SIPA1L2: variants seen among roughly 807,000 people sequenced by gnomAD.
SIPA1L2 encodes the protein signal induced proliferation associated 1 like 2.
SIPA1L2 carries 56 observed loss-of-function variants against 163.9 expected under a neutral mutation model. That is an observed-to-expected ratio of 0.34 (90% CI 0.28 to 0.43). The LOEUF is 0.43. SIPA1L2 is among the 20% of genes least tolerant of loss of function. The probability of loss-of-function intolerance (pLI) is 1.00; values close to 1 mark genes in which losing one functional copy is unlikely to be tolerated. For missense variants in SIPA1L2, 1,974 were observed against 2,193.5 expected, an observed-to-expected ratio of 0.90 and a Z score of 2.00; for synonymous variants, 877 against 865.7, an observed-to-expected ratio of 1.01 and a Z score of -0.23.
intron 2 of SIPA1L2, among the ~76,000 whole-genome samples, chr1:232,516,063 T>C (rs930306462): frequency 6.6e-6 from 1 of 152,368 alleles, no homozygotes; most frequent in East Asian, 1.9e-4. Context: ...AATGCATGAA[T>C]TGGCTACAAG....
chr1:232,605,291 A>G (rs919265840), intron 1 of SIPA1L2, among the ~76,000 whole-genome samples: 2 of 152,172 alleles, frequency 1.3e-5, no homozygotes, highest in South Asian at 2.1e-4. Flanking sequence ...CAGGAGTATT[A>G]CATGTGTGAG....
At chr1:232,507,934 G>T (rs1666801778) in intron 3 of SIPA1L2, among the ~76,000 whole-genome samples, 1 of 152,158 alleles carries the variant, frequency 6.6e-6, no homozygotes, top group Non-Finnish European at 1.5e-5. Context: ...AAGCCTTCAA[G>T]GATAATGACG....
At chr1:232,520,965 A>G (rs547043466) in intron 2 of SIPA1L2, among the ~76,000 whole-genome samples, 1 of 152,358 alleles carries the variant, frequency 6.6e-6, no homozygotes, top group Admixed American at 6.5e-5. Context: ...AATCAAAGCT[A>G]TAAGACAATT....
intron 2 of SIPA1L2, among the ~76,000 whole-genome samples, chr1:232,545,342 G>C (rs1346501215): frequency 1.3e-5 from 2 of 152,146 alleles, no homozygotes; most frequent in African/African-American, 2.4e-5. Context: ...TTCATATCTG[G>C]CTTAAAACTT....
chr1:232,603,189 A>C (rs1467692868), intron 1 of SIPA1L2, among the ~76,000 whole-genome samples: 1 of 152,222 alleles, frequency 6.6e-6, no homozygotes, highest in Non-Finnish European at 1.5e-5. Context: ...AGAGTGCAAC[A>C]GAGATCTGGG....
intron 1 of SIPA1L2, among the ~76,000 whole-genome samples, chr1:232,624,773 T>C (rs1001662351): frequency 1.3e-5 from 2 of 152,222 alleles, no homozygotes; most frequent in Admixed American, 6.5e-5. Flanking sequence ...TTTGGCTAAA[T>C]GTTTATTAGT....
intron 4 of SIPA1L2, among the ~76,000 whole-genome samples, chr1:232,493,258 A>G (rs1290339975): frequency 6.6e-6 from 1 of 152,180 alleles, no homozygotes; most frequent in Non-Finnish European, 1.5e-5. Flanking sequence ...TGAGTCAATT[A>G]AACCTTTTCT....
At chr1:232,431,783 C>T (rs1662257981) in intron 16 of SIPA1L2, among the ~76,000 whole-genome samples, 1 of 152,224 alleles carries the variant, frequency 6.6e-6, no homozygotes, top group African/African-American at 2.4e-5. Flanking sequence ...AGCATCCTTT[C>T]CTACGTGCCC....
At chr1:232,438,928 C>A (rs1662724545) in intron 15 of SIPA1L2, among the ~76,000 whole-genome samples, 180 bp downstream of exon 15, 1 of 151,908 alleles carries the variant, frequency 6.6e-6, no homozygotes, top group Non-Finnish European at 1.5e-5. Context: ...TGTTAACATG[C>A]AAGCTTTGAC....
chr1:232,452,937 T>C (rs1177451927), intron 10 of SIPA1L2, among the ~76,000 whole-genome samples: 2 of 152,294 alleles, frequency 1.3e-5, no homozygotes, highest in African/African-American at 4.8e-5. Flanking sequence ...AGAAGTTCAC[T>C]ACAAATAGAC....
At chr1:232,400,688 C>T (rs1341672994) in intron 22 of SIPA1L2, among the ~76,000 whole-genome samples, 1 of 152,142 alleles carries the variant, frequency 6.6e-6, no homozygotes, top group Admixed American at 6.5e-5. Context: ...TCTTTTCTCC[C>T]CATCCCACTC....
Position 232,505,658 on chromosome 1 carries a change from G to A in SIPA1L2, c.1483+8199C>T, listed in dbSNP as rs189129820. The stretch of plus-strand genomic sequence containing the variant: ...AGAGAAAGCCCCGGTGTTTTCCACC[G>A]ACGGCCACATGGAGCCCGTGCGACC... On this transcript the variant is annotated intron_variant, in intron 3 of 22. Transcript: ENST00000674635. Among the ~76,000 whole-genome samples, 320 of 152,214 alleles carry A rather than the reference G, an allele frequency of 2.1e-3. 2 individuals carry two copies. Among genetic ancestry groups the A allele is most frequent in the African/African-American group, 7.2e-3 (298 of 41,532 alleles).
chr1:232,532,551 A>T (rs899449770), intron 2 of SIPA1L2, among the ~76,000 whole-genome samples: 2 of 152,242 alleles, frequency 1.3e-5, no homozygotes, highest in African/African-American at 4.8e-5. Context: ...ATTTGGGCAC[A>T]TAATAAATGC....
chr1:232,538,288 A>T (rs560091321), intron 2 of SIPA1L2, among the ~76,000 whole-genome samples: 1 of 152,298 alleles, frequency 6.6e-6, no homozygotes, highest in Non-Finnish European at 1.5e-5. Flanking sequence ...GTCAGACAAG[A>T]GAAGAGGGGG....
chr1:232,487,593 G>C (rs1032869278), intron 5 of SIPA1L2, among the ~76,000 whole-genome samples: 3 of 152,106 alleles, frequency 2.0e-5, no homozygotes, highest in Non-Finnish European at 4.4e-5. Flanking sequence ...ATAATTTTAT[G>C]AGTTTACCTA....
At chr1:232,490,658 CA>C (rs3841712) in intron 5 of SIPA1L2, 194 of 461,246 alleles carry the variant, frequency 4.2e-4, no homozygotes, top group South Asian at 8.6e-4. Context: ...TTGGTAATAA[CA>C]AAAAAAAATC....
At chr1:232,510,882 A>T (rs1666949137) in intron 3 of SIPA1L2, among the ~76,000 whole-genome samples, 2 of 152,224 alleles carry the variant, frequency 1.3e-5, no homozygotes, top group African/African-American at 4.8e-5. Context: ...GAACATATAT[A>T]TAATTTTATG....
At chr1:232,617,728 G>C (rs139580418) in intron 1 of SIPA1L2, among the ~76,000 whole-genome samples, 240 of 152,294 alleles carry the variant, frequency 1.6e-3, no homozygotes, top group African/African-American at 5.5e-3. Flanking sequence ...AGAACTTTCA[G>C]AAGTGGGAGA....
chr1:232,570,786 T>C (rs772764280), intron 2 of SIPA1L2, among the ~76,000 whole-genome samples: 5 of 151,498 alleles, frequency 3.3e-5, no homozygotes, highest in Admixed American at 6.6e-5. Context: ...ATACCTGGAG[T>C]TGGACTAACA....
Sources: allele counts gnomAD v4.1 joint callset (sites outside exome capture counted in the v4.1 genomes callset), GRCh38; gene constraint gnomAD v4.1.1; transcripts MANE v1.5; gene names NCBI Gene and HGNC (gene_info 2026-07-23, HGNC 2026-07-21).